Variants in ADGRV1 observed in about 807,000 individuals in gnomAD.
The protein encoded by ADGRV1 is adhesion G protein-coupled receptor V1, also known as G-protein coupled receptor 98.
A neutral mutation model predicts 596.2 loss-of-function variants in ADGRV1; 359 were observed. The ratio of observed to expected loss-of-function variants is 0.60; its 90% CI spans 0.55 to 0.66. ADGRV1 has a LOEUF of 0.66. Among genes scored for constraint, ADGRV1 ranks in the 30% least tolerant of loss-of-function variants. The pLI is 0.00. For missense variants in ADGRV1, 7,274 were observed against 7,575.6 expected (o/e 0.96, Z 1.48); for synonymous variants, 2,681 against 2,679.2 (o/e 1.00, Z -0.02).
At chr5:91,083,282 A>G (rs1789574048) in intron 86 of ADGRV1, among the ~76,000 whole-genome samples, 1 of 152,088 alleles carries the variant, frequency 6.6e-6, no homozygotes, top group South Asian at 2.1e-4. Flanking sequence ...TAGGAGATAT[A>G]CCTAATGTAA....
chr5:90,753,245 T>C (rs1020001981), intron 53 of ADGRV1, among the ~76,000 whole-genome samples: 5 of 152,208 alleles, frequency 3.3e-5, no homozygotes, highest in Non-Finnish European at 5.9e-5. Context: ...TTTACTTTTA[T>C]GGATCTTTGT....
At chr5:90,957,522 G>A (rs919426288) in intron 83 of ADGRV1, among the ~76,000 whole-genome samples, 1 of 147,850 alleles carries the variant, frequency 6.8e-6, no homozygotes, top group African/African-American at 2.5e-5. Flanking sequence ...TGTAGTGAGG[G>A]CTAATTTTGC....
intron 56 of ADGRV1, 59 bp downstream of exon 56, chr5:90,756,689 C>T: frequency 2.1e-6 from 3 of 1,402,884 alleles, no homozygotes; most frequent in Non-Finnish European, 3.0e-6. Context: ...CTGATTTGGC[C>T]AGTGTTTTAT....
intron 87 of ADGRV1, among the ~76,000 whole-genome samples, chr5:91,117,356 G>T (rs540225110): frequency 6.6e-6 from 1 of 151,912 alleles, no homozygotes; most frequent in Non-Finnish European, 1.5e-5. Flanking sequence ...TTGTAGACTG[G>T]TTATTCTATG....
In ADGRV1 at chr5:90,720,983, T is replaced by A; in HGVS notation, c.9672T>A (p.Asn3224Lys). 3 of 1,612,666 alleles carry A rather than the reference T, an allele frequency of 1.9e-6. No individual in the cohort carries two copies. Among genetic ancestry groups the A allele is most frequent in the Non-Finnish European group, 2.5e-6 (3 of 1,178,976 alleles). Residue 3224 changes from asparagine to lysine, a missense_variant, in exon 45 of 90, where the codon AAT becomes AAA. By Grantham distance (94) the Asn-to-Lys change is moderately conservative. Around this residue, in one of 5 missense-constraint regions of ADGRV1, gnomAD observed 3,643 missense variants for 3,809.2 expected, o/e 0.96. Transcript: ENST00000405460. ...AAGCCAATAGGACCGTGTATTTAAA[T>A]GTATCTCGAACTAATGGCATTGATT... The part of the protein sequence containing the change: ...IEEANRTVYL[N>K]VSRTNGIDLA...
At chr5:91,025,780 G>C (rs1562106775) in intron 85 of ADGRV1, among the ~76,000 whole-genome samples, 1 of 152,088 alleles carries the variant, frequency 6.6e-6, no homozygotes, top group Non-Finnish European at 1.5e-5. Flanking sequence ...AAACAGGGAG[G>C]TGAAACAAAG....
At chr5:90,609,487 T>C (rs1027806351) in intron 1 of ADGRV1, among the ~76,000 whole-genome samples, 3 of 151,640 alleles carry the variant, frequency 2.0e-5, no homozygotes, top group Non-Finnish European at 3.0e-5. Context: ...TAAATTTAAA[T>C]TCTGTTTTGG....
At position 90,791,347 on chromosome 5, in the gene ADGRV1, G is replaced by A; in HGVS notation, c.14517+1G>A. 1 of 1,542,060 alleles carries A rather than the reference G, an allele frequency of 6.5e-7. No individual in the cohort carries two copies. The highest frequency in any genetic ancestry group is 1.4e-5 in the African/African-American group (1 of 73,138). On this transcript the variant is annotated splice_donor_variant, in intron 70 of 89. Coordinates refer to ENST00000405460, the MANE Select transcript of ADGRV1 (RefSeq NM_032119.4). LOFTEE classifies it high-confidence loss of function. ...GGACGTGGTGCCAATAAAGAATCAGGTTTGTGGCATTTCTTCAGTTTCCTG... is the reference window on the plus strand; with the variant it reads ...GGACGTGGTGCCAATAAAGAATCAGATTTGTGGCATTTCTTCAGTTTCCTG...
chr5:90,640,694 C>T (rs1193711068), intron 11 of ADGRV1: 1 of 152,586 alleles, frequency 6.6e-6, no homozygotes, highest in Non-Finnish European at 1.5e-5. Flanking sequence ...ACGCACATTA[C>T]TAGCTCTTGG....
intron 85 of ADGRV1, among the ~76,000 whole-genome samples, chr5:91,051,696 G>A (rs1373235948): frequency 2.0e-5 from 3 of 151,806 alleles, no homozygotes; most frequent in Non-Finnish European, 2.9e-5. Flanking sequence ...ACAGGTGCCC[G>A]CCACCATGCC....
At chr5:90,584,597 A>G (rs952355526) in intron 1 of ADGRV1, among the ~76,000 whole-genome samples, 1 of 152,204 alleles carries the variant, frequency 6.6e-6, no homozygotes, top group African/African-American at 2.4e-5. Flanking sequence ...TGTCTTACTC[A>G]AGATGGCTGG....
chr5:90,937,795 T>C (rs1179009548), intron 83 of ADGRV1, among the ~76,000 whole-genome samples: 1 of 152,198 alleles, frequency 6.6e-6, no homozygotes, highest in African/African-American at 2.4e-5. Context: ...TTTGTGTTTT[T>C]CATCTTTACC....
chr5:90,860,824 TAAAC>T (rs1490592235), intron 82 of ADGRV1, among the ~76,000 whole-genome samples: 1 of 151,924 alleles, frequency 6.6e-6, no homozygotes, highest in African/African-American at 2.4e-5. Context: ...GGCAGACAGA[TAAAC>T]AAATAATTTG....
chr5:91,052,726 G>A lies in ADGRV1; in HGVS notation c.18153-19721G>A, dbSNP rs1315289994. Among the ~76,000 whole-genome samples the A allele has an allele frequency of 2.6e-5, 4 of 152,046 alleles. No homozygotes were observed. In the East Asian group the frequency reaches 5.8e-4, roughly 22 times the overall value. On this transcript the variant is annotated intron_variant, in intron 85 of 89. Coordinates refer to ENST00000405460, the MANE Select transcript of ADGRV1 (RefSeq NM_032119.4). ...TGGGATTACAAGTGTGAGCCACCACGCCCAGCCTAGACCTAGCATTTTAAG... is the reference window on the plus strand; with the variant it reads ...TGGGATTACAAGTGTGAGCCACCACACCCAGCCTAGACCTAGCATTTTAAG...
chr5:91,042,896 T>C (rs577176366), intron 85 of ADGRV1, among the ~76,000 whole-genome samples: 7 of 152,198 alleles, frequency 4.6e-5, no homozygotes, highest in African/African-American at 1.7e-4. Context: ...TGGCTTCAAC[T>C]CTTTATTGAG....
At chr5:91,142,091 C>G (rs1440778647) in intron 87 of ADGRV1, among the ~76,000 whole-genome samples, 2 of 152,160 alleles carry the variant, frequency 1.3e-5, no homozygotes, top group African/African-American at 4.8e-5. Flanking sequence ...TAGTATTGAA[C>G]AACTACTGAA....
chr5:91,150,942 G>T lies in ADGRV1; in HGVS notation c.18624+721G>T, dbSNP rs567412516. ...TTTAAAACATCCCTGAATTCCTTTG[G>T]CCAGGAGGAGATAGTAACAAAGGCC... On this transcript the variant is annotated intron_variant, in intron 88 of 89. Coordinates refer to ENST00000405460, the MANE Select transcript of ADGRV1 (RefSeq NM_032119.4). 2.0e-5 allele frequency among the ~76,000 whole-genome samples: 3 copies of T among 152,300 alleles called. No individual in the cohort carries two copies. In the South Asian group the frequency reaches 6.2e-4, roughly 32 times the overall value.
At chr5:90,595,062 C>A (rs1435670092) in intron 1 of ADGRV1, among the ~76,000 whole-genome samples, 1 of 140,296 alleles carries the variant, frequency 7.1e-6, no homozygotes, top group Non-Finnish European at 1.5e-5. Flanking sequence ...TAGGGGCGGC[C>A]GGGCAGAGGC....
chr5:91,042,822 C>G (rs889486299), intron 85 of ADGRV1, among the ~76,000 whole-genome samples: 1 of 152,086 alleles, frequency 6.6e-6, no homozygotes. Flanking sequence ...ATGGGAGGCA[C>G]CCTAGAAAGC....
Sources: allele counts gnomAD v4.1 joint callset (sites outside exome capture counted in the v4.1 genomes callset), GRCh38; gene constraint gnomAD v4.1.1; regional missense constraint gnomAD v4.1.1; transcripts MANE v1.5; gene names NCBI Gene and HGNC (gene_info 2026-07-23, HGNC 2026-07-21).